Variants in IL7 observed in about 807,000 individuals in gnomAD.
The protein encoded by IL7 is interleukin 7, also known as interleukin-7.
Under a neutral mutation model 21.6 loss-of-function variants are expected in IL7, and 3 were observed. The observed-to-expected ratio is 0.14, with a 90% CI of 0.06 to 0.36. The LOEUF (loss-of-function observed/expected upper bound fraction) is 0.36. Ranked by LOEUF, IL7 falls within the 10% of genes least tolerant of loss-of-function variation. The pLI is 1.00. For synonymous variants in IL7, 62 were observed against 68.1 expected (o/e 0.91, Z 0.44); for missense variants, 175 against 200.2 (o/e 0.87, Z 0.76).
intron 3 of IL7, among the ~76,000 whole-genome samples, chr8:78,709,129 T>C (rs1810876022): frequency 6.6e-6 from 1 of 152,210 alleles, no homozygotes; most frequent in Admixed American, 6.5e-5. Flanking sequence ...ATAGTGAAAC[T>C]ATCAAATATC....
At chr8:78,699,966 T>G (rs1029603896) in intron 3 of IL7, among the ~76,000 whole-genome samples, 1 of 152,158 alleles carries the variant, frequency 6.6e-6, no homozygotes, top group African/African-American at 2.4e-5. Flanking sequence ...TATATATTCT[T>G]CTGGGTATAT....
intron 4 of IL7, among the ~76,000 whole-genome samples, chr8:78,681,531 T>C (rs1350308451): frequency 1.3e-5 from 2 of 152,188 alleles, no homozygotes; most frequent in Non-Finnish European, 2.9e-5. Flanking sequence ...TGTCATTCTT[T>C]TTGTCAGAGT....
At chr8:78,770,154 G>A (rs915382747) in intron 2 of IL7, among the ~76,000 whole-genome samples, 25 of 152,142 alleles carry the variant, frequency 1.6e-4, no homozygotes, top group African/African-American at 5.6e-4. Flanking sequence ...AACACCAAAA[G>A]CAGTGGCAAC....
At chr8:78,792,000 G>T (rs1813713525) in intron 2 of IL7, among the ~76,000 whole-genome samples, 1 of 151,948 alleles carries the variant, frequency 6.6e-6, no homozygotes, top group African/African-American at 2.4e-5. Flanking sequence ...ATGATTTTAA[G>T]AAAATAAAAA....
intron 2 of IL7, among the ~76,000 whole-genome samples, chr8:78,780,763 T>C (rs1385179710): frequency 6.6e-6 from 1 of 152,192 alleles, no homozygotes. Context: ...GATCCAGAGC[T>C]GAGTTCAATT....
At chr8:78,684,785 G>T (rs12679332) in intron 4 of IL7, among the ~76,000 whole-genome samples, 2 of 151,862 alleles carry the variant, frequency 1.3e-5, no homozygotes, top group Non-Finnish European at 2.9e-5. Flanking sequence ...GAAATATTTA[G>T]GAATAAGCTT....
At chr8:78,764,163 A>T (rs1254389020) in intron 2 of IL7, among the ~76,000 whole-genome samples, 1 of 152,122 alleles carries the variant, frequency 6.6e-6, no homozygotes, top group African/African-American at 2.4e-5. Context: ...ATGATAAAAA[A>T]TTTTAACACA....
At chr8:78,698,823 A>G (rs1810513420) in intron 3 of IL7, among the ~76,000 whole-genome samples, 1 of 152,214 alleles carries the variant, frequency 6.6e-6, no homozygotes, top group Non-Finnish European at 1.5e-5. Flanking sequence ...TTTACTAAGC[A>G]CTATGTATCA....
chr8:78,788,229 A>T (rs140826880), intron 2 of IL7, among the ~76,000 whole-genome samples: 2 of 152,028 alleles, frequency 1.3e-5, no homozygotes, highest in East Asian at 1.9e-4. Flanking sequence ...ATTTTCCTCT[A>T]CTAATTTCTT....
chr8:78,781,801 C>T (rs1813340826), intron 2 of IL7, among the ~76,000 whole-genome samples: 1 of 152,082 alleles, frequency 6.6e-6, no homozygotes, highest in Non-Finnish European at 1.5e-5. Flanking sequence ...TGGATGATAT[C>T]CTAAAGCATG....
intron 2 of IL7, among the ~76,000 whole-genome samples, chr8:78,785,485 A>G (rs1025221683): frequency 6.6e-6 from 1 of 152,142 alleles, no homozygotes; most frequent in Admixed American, 6.5e-5. Flanking sequence ...GAGGGAGTGC[A>G]TAATTTTGGA....
downstream of IL7, among the ~76,000 whole-genome samples, chr8:78,716,119 T>G (rs972108175): frequency 1.3e-5 from 2 of 151,430 alleles, no homozygotes; most frequent in Non-Finnish European, 2.9e-5. Flanking sequence ...TTTTTTGTTT[T>G]TGTTTTTTTG....
At chr8:78,688,234 T>C (rs865890099) in intron 3 of IL7, among the ~76,000 whole-genome samples, 1 of 152,030 alleles carries the variant, frequency 6.6e-6, no homozygotes, top group Non-Finnish European at 1.5e-5. Context: ...TATTTAGATA[T>C]TGTGTCTTAA....
At chr8:78,767,244 C>T (rs1192198963) in intron 2 of IL7, among the ~76,000 whole-genome samples, 1 of 151,380 alleles carries the variant, frequency 6.6e-6, no homozygotes, top group Non-Finnish European at 1.5e-5. Context: ...CTGTGTTTAT[C>T]TCTTATATAG....
At chr8:78,724,832 A>G (rs1811312195) in intron 3 of IL7, among the ~76,000 whole-genome samples, 1 of 152,012 alleles carries the variant, frequency 6.6e-6, no homozygotes, top group Non-Finnish European at 1.5e-5. Flanking sequence ...ATTTTTTCTC[A>G]CTGATGTCAT....
chr8:78,765,404 CT>C (rs1812724017), intron 2 of IL7, among the ~76,000 whole-genome samples: 1 of 151,638 alleles, frequency 6.6e-6, no homozygotes, highest in African/African-American at 2.4e-5. Flanking sequence ...AAGCCACAGA[CT>C]GGAAAAAATA....
intron 3 of IL7, among the ~76,000 whole-genome samples, chr8:78,708,153 T>TGA (rs1374231433): frequency 1.3e-5 from 2 of 152,222 alleles, no homozygotes; most frequent in African/African-American, 4.8e-5. Context: ...GAGTAAAGGT[T>TGA]GAATTAAGAC....
chr8:78,765,458 T>C (rs745565958), intron 2 of IL7, among the ~76,000 whole-genome samples: 28 of 152,058 alleles, frequency 1.8e-4, no homozygotes, highest in Middle Eastern at 3.4e-3. Context: ...ATCCAAAATA[T>C]TATACAGAAC....
intron 2 of IL7, among the ~76,000 whole-genome samples, chr8:78,756,364 T>C (rs539556769): frequency 2.0e-5 from 3 of 151,978 alleles, no homozygotes; most frequent in Admixed American, 2.0e-4. Flanking sequence ...TTTCGTTTTT[T>C]TCTTTAAGAA....
Sources: allele counts gnomAD v4.1 joint callset (sites outside exome capture counted in the v4.1 genomes callset), GRCh38; gene constraint gnomAD v4.1.1; transcripts MANE v1.5; gene names NCBI Gene and HGNC (gene_info 2026-07-23, HGNC 2026-07-21).